Variants in CLEC16A observed in about 807,000 individuals in gnomAD.
The protein encoded by CLEC16A is protein CLEC16A.
A neutral mutation model predicts 109.5 loss-of-function variants in CLEC16A; 51 were observed. The ratio of observed to expected loss-of-function variants is 0.47; its 90% CI spans 0.37 to 0.59. CLEC16A has a LOEUF of 0.59. Among genes scored for constraint, CLEC16A ranks in the 20% least tolerant of loss-of-function variants. The pLI is 0.00. For missense variants in CLEC16A, 1,339 were observed against 1,394.0 expected (o/e 0.96, Z 0.63); for synonymous variants, 673 against 564.2 (o/e 1.19, Z -2.73).
At chr16:11,163,095 C>T (rs1163702730) in intron 22 of CLEC16A, among the ~76,000 whole-genome samples, 3 of 152,222 alleles carry the variant, frequency 2.0e-5, no homozygotes, top group Non-Finnish European at 2.9e-5. Context: ...TTGATTCATA[C>T]ACCAAAAGCC....
chr16:10,955,117 G>C (rs1268097037), intron 1 of CLEC16A, among the ~76,000 whole-genome samples: 1 of 152,242 alleles, frequency 6.6e-6, no homozygotes, highest in African/African-American at 2.4e-5. Flanking sequence ...CAGTTAGGAG[G>C]TGGCAGGGCC....
chr16:11,039,430 T>C (rs1423853395), intron 13 of CLEC16A, among the ~76,000 whole-genome samples: 1 of 152,188 alleles, frequency 6.6e-6, no homozygotes, highest in Non-Finnish European at 1.5e-5. Context: ...TATGGAGAGC[T>C]CTGCGATAAG....
At chr16:11,048,384 G>T (rs2047749072) in intron 17 of CLEC16A, 2 of 152,162 alleles carry the variant, frequency 1.3e-5, no homozygotes, top group South Asian at 2.1e-4. Flanking sequence ...GTTTGTCTCT[G>T]TTATCCCAGC....
At chr16:11,022,940 A>G (rs2046202528) in intron 12 of CLEC16A, among the ~76,000 whole-genome samples, 2 of 149,662 alleles carry the variant, frequency 1.3e-5, no homozygotes, top group Non-Finnish European at 3.0e-5. Context: ...TATAGGCCTA[A>G]GAAACTTAAA....
intron 4 of CLEC16A, among the ~76,000 whole-genome samples, chr16:10,970,092 C>T (rs2042708368): frequency 2.6e-5 from 4 of 152,228 alleles, no homozygotes; most frequent in South Asian, 2.1e-4. Flanking sequence ...GTATCACCCA[C>T]ACCAAAAGGT....
intron 11 of CLEC16A, among the ~76,000 whole-genome samples, chr16:11,007,021 T>G (rs1045847253): frequency 6.6e-6 from 1 of 152,148 alleles, no homozygotes; most frequent in African/African-American, 2.4e-5. Flanking sequence ...ACGTGCTTGT[T>G]TTTTAGCTTG....
chr16:10,971,304 G>C, intron 5 of CLEC16A, 74 bp downstream of exon 5: 1 of 1,082,500 alleles, frequency 9.2e-7, no homozygotes, highest in Non-Finnish European at 1.4e-6. Context: ...GTGTGTGTGC[G>C]TACAGTTCTC....
intron 19 of CLEC16A, among the ~76,000 whole-genome samples, chr16:11,090,192 C>T (rs955195357): frequency 6.6e-6 from 1 of 152,116 alleles, no homozygotes; most frequent in African/African-American, 2.4e-5. Context: ...GACCAGGCTG[C>T]GTCAGTCATG....
chr16:11,082,684 C>T (rs1004377465), intron 19 of CLEC16A, among the ~76,000 whole-genome samples: 1 of 152,204 alleles, frequency 6.6e-6, no homozygotes, highest in African/African-American at 2.4e-5. Flanking sequence ...CTCTCCTCCA[C>T]CTCTCTCTTC....
chr16:10,945,536 C>A (rs988879378), intron 1 of CLEC16A, among the ~76,000 whole-genome samples: 1 of 152,176 alleles, frequency 6.6e-6, no homozygotes, highest in African/African-American at 2.4e-5. Flanking sequence ...AAGAGGCTGG[C>A]TTTGCAGCCA....
In CLEC16A at chr16:11,084,782, C is replaced by G. The variant is rs2049919994; in HGVS notation, c.2116+23760C>G. ...ATTCGCGTTCCACCTGGTGCCCCTT[C>G]CATTCCCCTGAAAAAGCCTGCCCTT... On this transcript the variant is annotated intron_variant, in intron 19 of 23. Transcript: ENST00000409790. Among the ~76,000 whole-genome samples, 6 of 152,220 alleles carry G rather than the reference C, an allele frequency of 3.9e-5. No homozygotes were observed. In the South Asian group the frequency reaches 1.2e-3, roughly 32 times the overall value.
rs115578305 is a variant in CLEC16A at position 11,062,357 on chromosome 16, T to A, written c.2116+1335T>A. Among the ~76,000 whole-genome samples the A allele has an allele frequency of 4.6e-3, 699 of 152,314 alleles. 5 individuals are homozygous for A. The highest frequency in any genetic ancestry group is 0.031 in the Middle Eastern group (9 of 294). On this transcript the variant is annotated intron_variant, in intron 19 of 23. Transcript: ENST00000409790. ...CCCCAAGGGTTAGTGTATAATTCAA[T>A]GAGTTTTGACAAAACTATAGAGTTG... is the stretch of plus-strand genomic sequence containing the variant.
At chr16:11,160,046 T>G (rs79572188) in intron 22 of CLEC16A, among the ~76,000 whole-genome samples, 8 of 152,304 alleles carry the variant, frequency 5.3e-5, no homozygotes, top group Non-Finnish European at 1.2e-4. Context: ...GTTCCTTCCC[T>G]TTCAGCTCCC....
chr16:10,969,243 TA>T lies in CLEC16A; in HGVS notation c.427del (p.Ile143TyrfsTer4). 6.2e-7 allele frequency: 1 copy of T among 1,610,978 alleles called. No individual in the cohort carries two copies. The highest frequency in any genetic ancestry group is 1.3e-5 in the African/African-American group (1 of 74,932). The part of the protein sequence containing the change: ...FSDEEIMAYY[I>X]SFLKTLSLKL... ...CTGATGAGGAGATTATGGCCTATTA[TA>T]TATCGTTCCTGAAAACACTTTCGTT... On this transcript the variant is annotated frameshift_variant, in exon 4 of 24. Coordinates refer to ENST00000409790, the MANE Select transcript of CLEC16A (RefSeq NM_015226.3). LOFTEE classifies it high-confidence loss of function.
At position 11,139,510 on chromosome 16, in the gene CLEC16A, A is replaced by C. The variant is rs555388668; in HGVS notation, c.2641+13364A>C. ...AAAGTCAATATTATCCCAGTGTGAT[A>C]GGAATGGCTGTTTTGCAACATCTCT... On this transcript the variant is annotated intron_variant, in intron 22 of 23. Coordinates refer to ENST00000409790, the MANE Select transcript of CLEC16A (RefSeq NM_015226.3). Among the ~76,000 whole-genome samples, 8 of 152,370 alleles carry C rather than the reference A, an allele frequency of 5.3e-5. No homozygotes were observed. In the South Asian group the frequency reaches 1.7e-3, roughly 32 times the overall value.
chr16:11,097,366 G>T (rs1449760671), intron 19 of CLEC16A, among the ~76,000 whole-genome samples: 2 of 152,074 alleles, frequency 1.3e-5, no homozygotes, highest in African/African-American at 2.4e-5. Flanking sequence ...CCCTTGACAG[G>T]TTTCTTTCTC....
intron 11 of CLEC16A, among the ~76,000 whole-genome samples, chr16:11,013,028 A>C (rs2045532170): frequency 2.0e-5 from 3 of 151,996 alleles, no homozygotes; most frequent in Admixed American, 2.0e-4. Flanking sequence ...CCCCACACTC[A>C]CTCAGACTGC....
intron 6 of CLEC16A, 50 bp downstream of exon 6, chr16:10,972,609 T>G (rs201530218): frequency 3.3e-6 from 5 of 1,523,452 alleles, no homozygotes; most frequent in Non-Finnish European, 4.5e-6. Flanking sequence ...CCCTTATATG[T>G]AAATACCTTG....
intron 19 of CLEC16A, among the ~76,000 whole-genome samples, chr16:11,094,186 G>A (rs994455780): frequency 3.3e-5 from 5 of 152,156 alleles, no homozygotes; most frequent in Non-Finnish European, 5.9e-5. Context: ...CCCAGCCTGT[G>A]GCTGTCCTAA....
Sources: allele counts gnomAD v4.1 joint callset (sites outside exome capture counted in the v4.1 genomes callset), GRCh38; gene constraint gnomAD v4.1.1; transcripts MANE v1.5; gene names NCBI Gene and HGNC (gene_info 2026-07-23, HGNC 2026-07-21).